CALN1: variants seen among roughly 807,000 people sequenced by gnomAD.
CALN1 encodes the protein calcium-binding protein 8.
A neutral mutation model predicts 30.6 loss-of-function variants in CALN1; 17 were observed. That is an observed-to-expected ratio of 0.56 (90% CI 0.38 to 0.83). The LOEUF is 0.83. CALN1 is among the 40% of genes least tolerant of loss of function. The pLI is 0.00. For missense variants in CALN1, 291 were observed against 354.9 expected, an observed-to-expected ratio of 0.82 and a Z score of 1.45; for synonymous variants, 156 against 131.4, an observed-to-expected ratio of 1.19 and a Z score of -1.28.
intron 4 of CALN1, among the ~76,000 whole-genome samples, chr7:72,097,796 C>A (rs1476500600): frequency 2.0e-5 from 3 of 152,150 alleles, no homozygotes; most frequent in African/African-American, 7.2e-5. Context: ...TCACCGCAAC[C>A]TCTGACTCCC....
intron 2 of CALN1, among the ~76,000 whole-genome samples, chr7:72,392,240 G>A (rs1008522057): frequency 1.3e-5 from 2 of 152,214 alleles, no homozygotes; most frequent in Non-Finnish European, 2.9e-5. Flanking sequence ...CCAGCCATCT[G>A]CGTTTCTCCA....
the CALN1 span, among the ~76,000 whole-genome samples, chr7:72,485,514 T>A: frequency 6.6e-6 from 1 of 152,256 alleles, no homozygotes; most frequent in Non-Finnish European, 1.5e-5. Context: ...AAAGTTTAAG[T>A]AGTGCTGTCT....
intron 5 of CALN1, among the ~76,000 whole-genome samples, chr7:71,846,530 G>A (rs767506520): frequency 5.9e-5 from 9 of 151,972 alleles, no homozygotes; most frequent in East Asian, 1.9e-4. Context: ...GTATGTGTGC[G>A]CGTGCGTGTG....
intron 2 of CALN1, among the ~76,000 whole-genome samples, chr7:72,322,422 T>C (rs1800950552): frequency 2.6e-5 from 4 of 152,202 alleles, no homozygotes; most frequent in Non-Finnish European, 4.4e-5. Flanking sequence ...TAACAGGCCA[T>C]GGACCAGTCA....
chr7:71,983,954 C>T lies in CALN1; in HGVS notation c.501+39703G>A, dbSNP rs192768002. ...TAAAGAGACATTAATAAATTATGAT[C>T]GAAAAAAACAGAGGAGATGATAACC... On this transcript the variant is annotated intron_variant, in intron 5 of 6. Coordinates refer to ENST00000395275, the MANE Select transcript of CALN1 (RefSeq NM_031468.4). 3.2e-4 allele frequency among the ~76,000 whole-genome samples: 48 copies of T among 151,414 alleles called. No individual in the cohort carries two copies. The East Asian group carries it at 5.0e-3, about 16-fold the overall frequency.
rs1799851720 is a variant in CALN1 at position 72,308,934 on chromosome 7, AGTAAACATTTTTAGAGG to A, written c.120-30141_120-30125del. Among the ~76,000 whole-genome samples, 3 of 152,378 alleles carry A rather than the reference AGTAAACATTTTTAGAGG, an allele frequency of 2.0e-5. No individual in the cohort carries two copies. The South Asian group carries it at 6.2e-4, about 32-fold the overall frequency. On this transcript the variant is annotated intron_variant, in intron 2 of 6. Coordinates refer to ENST00000395275, the MANE Select transcript of CALN1 (RefSeq NM_031468.4). ...ATGCAACTAACTCATGCAGGAAAAT[AGTAAACATTTTTAGAGG>A]GCTCACTATGTGCTAGGCAATTCTA...
At chr7:72,259,455 C>T (rs544619012) in intron 3 of CALN1, among the ~76,000 whole-genome samples, 5 of 152,112 alleles carry the variant, frequency 3.3e-5, no homozygotes, top group South Asian at 2.1e-4. Context: ...CCTAGTTAAG[C>T]GGCCACACAC....
At chr7:71,808,940 A>G (rs1484937932) in intron 6 of CALN1, among the ~76,000 whole-genome samples, 2 of 152,028 alleles carry the variant, frequency 1.3e-5, no homozygotes, top group Non-Finnish European at 2.9e-5. Context: ...GTCCTGCTGG[A>G]AATGGCCTTG....
At chr7:72,126,511 A>G (rs1192591508) in intron 3 of CALN1, among the ~76,000 whole-genome samples, 3 of 152,104 alleles carry the variant, frequency 2.0e-5, no homozygotes, top group Non-Finnish European at 4.4e-5. Context: ...TTGGATAGAC[A>G]CCCAAAAGAA....
chr7:72,091,340 A>G (rs1201243710), intron 4 of CALN1, among the ~76,000 whole-genome samples: 1 of 152,170 alleles, frequency 6.6e-6, no homozygotes, highest in African/African-American at 2.4e-5. Context: ...CAAACAGACA[A>G]ACAAACAAAC....
intron 3 of CALN1, among the ~76,000 whole-genome samples, chr7:72,264,131 C>A (rs977535178): frequency 6.6e-6 from 1 of 152,176 alleles, no homozygotes; most frequent in Admixed American, 6.5e-5. Context: ...AGTCAGGAGA[C>A]GGAGAGCTGG....
chr7:72,212,282 G>C (rs1792462763), intron 3 of CALN1, among the ~76,000 whole-genome samples: 1 of 150,790 alleles, frequency 6.6e-6, no homozygotes, highest in African/African-American at 2.4e-5. Context: ...CCACGAGGTG[G>C]AGGACTGCAG....
chr7:72,127,051 G>T (rs931551514), intron 3 of CALN1, among the ~76,000 whole-genome samples: 1 of 151,928 alleles, frequency 6.6e-6, no homozygotes, highest in Non-Finnish European at 1.5e-5. Context: ...ACCCAAAGGA[G>T]AGGAAGTAGT....
the CALN1 span, among the ~76,000 whole-genome samples, chr7:72,455,747 C>A: frequency 3.9e-5 from 6 of 152,066 alleles, no homozygotes; most frequent in Admixed American, 6.6e-5. Context: ...ACAGAATGAG[C>A]TCCAAGATTC....
chr7:72,032,841 A>C (rs1801549431), intron 4 of CALN1, among the ~76,000 whole-genome samples: 1 of 152,074 alleles, frequency 6.6e-6, no homozygotes, highest in Non-Finnish European at 1.5e-5. Context: ...ACCAGAAAAG[A>C]ATTGGTCTGA....
At chr7:71,921,251 C>T (rs895898754) in intron 5 of CALN1, among the ~76,000 whole-genome samples, 1 of 152,070 alleles carries the variant, frequency 6.6e-6, no homozygotes, top group African/African-American at 2.4e-5. Flanking sequence ...AGGAGAAATA[C>T]CTAATGTAGA....
intron 2 of CALN1, among the ~76,000 whole-genome samples, chr7:72,316,157 A>C (rs1366627632): frequency 2.0e-5 from 1 of 49,114 alleles, no homozygotes; most frequent in Admixed American, 2.5e-4. Context: ...AAAAAAAAGA[A>C]AGAAAGAAAA....
intron 2 of CALN1, among the ~76,000 whole-genome samples, chr7:72,341,956 C>A (rs1802405492): frequency 6.6e-6 from 1 of 151,792 alleles, no homozygotes; most frequent in African/African-American, 2.4e-5. Flanking sequence ...GCTCAGCGAG[C>A]CTCAGAAGTA....
At chr7:72,305,610 G>T (rs2129555954) in intron 2 of CALN1, among the ~76,000 whole-genome samples, 1 of 152,254 alleles carries the variant, frequency 6.6e-6, no homozygotes, top group South Asian at 2.1e-4. Context: ...AGAGGTCAGG[G>T]ATTATTTGAT....
Sources: gnomAD v4.1 joint callset for allele counts (sites outside exome capture counted in the v4.1 genomes callset) on GRCh38, gnomAD v4.1.1 for gene constraint, MANE v1.5 for transcripts, NCBI Gene and HGNC (gene_info 2026-07-23, HGNC 2026-07-21) for gene names.